ANKFN1: variants seen among roughly 807,000 people sequenced by gnomAD.
ANKFN1 encodes ankyrin repeat and fibronectin type III domain containing 1, also known as ankyrin repeat and fibronectin type-III domain-containing protein 1.
In ANKFN1, 74 loss-of-function variants were observed where a neutral mutation model predicts 108.7. That is an observed-to-expected ratio of 0.68 (90% confidence interval 0.56 to 0.83). ANKFN1 has a LOEUF of 0.83. Ranked by LOEUF, ANKFN1 falls within the 40% of genes least tolerant of loss-of-function variation. The pLI is 0.00. For synonymous variants in ANKFN1, 547 were observed against 516.2 expected (o/e 1.06, Z -0.81); for missense variants, 1,505 against 1,382.3 (o/e 1.09, Z -1.41).
At chr17:56,392,515 T>C (rs2047471277) in intron 8 of ANKFN1, among the ~76,000 whole-genome samples, 1 of 152,210 alleles carries the variant, frequency 6.6e-6, no homozygotes, top group Non-Finnish European at 1.5e-5. Flanking sequence ...TTTTCCATTG[T>C]TGAATAGGAG....
At chr17:56,243,616 A>G (rs1296854032) in intron 3 of ANKFN1, among the ~76,000 whole-genome samples, 1 of 152,120 alleles carries the variant, frequency 6.6e-6, no homozygotes, top group Admixed American at 6.6e-5. Flanking sequence ...TACAGTTGCT[A>G]AACTCCTAGC....
intron 20 of ANKFN1, among the ~76,000 whole-genome samples, chr17:56,506,046 T>C (rs1180167042): frequency 4.5e-5 from 2 of 44,184 alleles, no homozygotes; most frequent in Non-Finnish European, 2.6e-4. Flanking sequence ...CATTATTTGT[T>C]TTTTTTGTTT....
At chr17:56,125,509 A>G (rs988805509) in intron 4 of ANKFN1, among the ~76,000 whole-genome samples, 5 of 152,222 alleles carry the variant, frequency 3.3e-5, no homozygotes, top group Admixed American at 6.5e-5. Flanking sequence ...GATTACTAAT[A>G]ATTATAATGA....
chr17:56,221,947 C>T (rs1915922251), intron 2 of ANKFN1, among the ~76,000 whole-genome samples: 2 of 152,198 alleles, frequency 1.3e-5, no homozygotes, highest in Non-Finnish European at 2.9e-5. Context: ...CCAAGGGGCC[C>T]ACCCCATAGA....
At chr17:56,482,270 G>A in intron 17 of ANKFN1, 86 bp from the exon 18 acceptor site, 1 of 1,221,378 alleles carries the variant, frequency 8.2e-7, no homozygotes, top group Non-Finnish European at 1.1e-6. Flanking sequence ...GTAATTTTGT[G>A]AGATGTTTTA....
At chr17:56,403,283 C>T (rs1277521216) in intron 8 of ANKFN1, among the ~76,000 whole-genome samples, 1 of 152,112 alleles carries the variant, frequency 6.6e-6, no homozygotes, top group Non-Finnish European at 1.5e-5. Flanking sequence ...CTATCTAGAG[C>T]TGTCAGTGGA....
chr17:56,396,332 C>T (rs966723760), intron 8 of ANKFN1, among the ~76,000 whole-genome samples: 2 of 152,138 alleles, frequency 1.3e-5, no homozygotes, highest in African/African-American at 4.8e-5. Context: ...CCTGTAATTC[C>T]AGCTACTCAG....
rs1425698997 is a variant in ANKFN1, at chr17:56,449,168, C to G, written c.1189C>G (p.Gln397Glu). ...GCTGCAGCAGGTCCGAGCCCTTCAT[C>G]AGCATTACAGTTGCCGGGGTAAGGA... The part of the protein sequence containing the change: ...GLLQQVRALH[Q>E]HYSCRESTKL... The change falls in exon 11 of 21, where the codon CAG becomes GAG. Residue 397 changes from glutamine (Q) to glutamate (E), a missense_variant. Gln to Glu is a conservative substitution (Grantham distance 29). Transcript: ENST00000682825. 3 of 1,613,086 alleles carry G rather than the reference C, an allele frequency of 1.9e-6. No individual in the cohort carries two copies. Among genetic ancestry groups the G allele is most frequent in the Non-Finnish European group, 2.5e-6 (3 of 1,179,480 alleles).
At chr17:56,327,775 G>A (rs920611949) in intron 4 of ANKFN1, among the ~76,000 whole-genome samples, 6 of 152,142 alleles carry the variant, frequency 3.9e-5, no homozygotes, top group Non-Finnish European at 7.3e-5. Context: ...ATTCCTAATT[G>A]TTTCAAAGAA....
In ANKFN1 at chr17:56,055,566, C is replaced by CATATATATACATATATATATAT. The variant is rs1555588764; in HGVS notation, c.288+9250_288+9251insCATATATATATATATATATATA. 2.9e-3 allele frequency among the ~76,000 whole-genome samples: 139 copies of CATATATATACATATATATATAT among 47,424 alleles called. 14 individuals are homozygous for CATATATATACATATATATATAT. The highest frequency in any genetic ancestry group is 0.015 in the African/African-American group (115 of 7,554). 31.1% of individuals were successfully genotyped at this position (47,424 alleles called of 152,430 possible). On this transcript the variant is annotated intron_variant, in intron 4 of 12. Transcript: ENST00000635860. ...TATATGTGTGTGTGTGGTATATATA[C>CATATATATACATATATATATAT]ATATATATATATATATATATATGTA...
Position 56,242,083 on chromosome 17 carries a change from A to G in ANKFN1, c.53+14126A>G, listed in dbSNP as rs887020883. 2.0e-5 allele frequency among the ~76,000 whole-genome samples: 3 copies of G among 151,240 alleles called. No individual in the cohort carries two copies. The Admixed American group carries it at 2.0e-4, about 10-fold the overall frequency. On this transcript the variant is annotated intron_variant, in intron 3 of 20. Coordinates refer to ENST00000682825, the MANE Select transcript of ANKFN1 (RefSeq NM_001370326.1). Reference sequence around the variant, plus strand: ...TATACTGTTTGACCGCTGTTAACTTAAACCACAGAAAATGAAACTGTGAGT... The same window carrying G: ...TATACTGTTTGACCGCTGTTAACTTGAACCACAGAAAATGAAACTGTGAGT...
In ANKFN1 at chr17:56,514,927, G is replaced by A. The variant is rs28477485; in HGVS notation, c.*3658G>A. Among the ~76,000 whole-genome samples the A allele has an allele frequency of 0.095, 14,443 of 151,996 alleles. 792 individuals are homozygous for A. The highest frequency in any genetic ancestry group is 0.15 in the African/African-American group (6,398 of 41,436). ...CATTGTTATCCTGCCACACAAATGT[G>A]CGCCCTGGTGAGTTTGGAGCTCTTC... On this transcript the variant is annotated 3_prime_UTR_variant, in exon 21 of 21. Coordinates refer to ENST00000682825, the MANE Select transcript of ANKFN1 (RefSeq NM_001370326.1).
chr17:56,057,523 C>T (rs911876770), intron 4 of ANKFN1, among the ~76,000 whole-genome samples: 12 of 152,170 alleles, frequency 7.9e-5, no homozygotes, highest in South Asian at 4.1e-4. Flanking sequence ...CAGTGGCTCA[C>T]GCCTGTAATC....
At chr17:56,055,540 G>A (rs1437179495) in intron 4 of ANKFN1, among the ~76,000 whole-genome samples, 1 of 91,090 alleles carries the variant, frequency 1.1e-5, no homozygotes, top group Non-Finnish European at 2.1e-5. Flanking sequence ...GCCTAATGTG[G>A]TATATGTGTG....
intron 8 of ANKFN1, among the ~76,000 whole-genome samples, chr17:56,430,849 T>C (rs1024209554): frequency 3.9e-5 from 6 of 152,156 alleles, no homozygotes; most frequent in Admixed American, 2.0e-4. Context: ...AAAGGAACAG[T>C]ATTTGGTGCT....
At chr17:56,359,358 AT>A (rs2046455286) in intron 6 of ANKFN1, among the ~76,000 whole-genome samples, 1 of 152,198 alleles carries the variant, frequency 6.6e-6, no homozygotes, top group Non-Finnish European at 1.5e-5. Flanking sequence ...TTGTTACAGA[AT>A]TTGGTTGTAG....
Position 56,138,507 on chromosome 17 carries a change from C to A in ANKFN1, c.289-89410C>A, listed in dbSNP as rs1033438056. On this transcript the variant is annotated intron_variant, in intron 4 of 12. Transcript: ENST00000635860. The stretch of plus-strand genomic sequence containing the variant: ...GGAAGAAAACTCAACATTTTTTTTT[C>A]TTTTCTTTTTTTTTTTTTTTGAGAC... 3.6e-5 allele frequency among the ~76,000 whole-genome samples: 5 copies of A among 139,184 alleles called. No individual in the cohort carries two copies. In the East Asian group the frequency reaches 1.1e-3, roughly 31 times the overall value. 91.3% of individuals were successfully genotyped at this position (139,184 alleles called of 152,430 possible).
intron 1 of ANKFN1, among the ~76,000 whole-genome samples, chr17:56,163,133 A>G (rs1909829760): frequency 6.6e-6 from 1 of 152,160 alleles, no homozygotes; most frequent in Non-Finnish European, 1.5e-5. Context: ...GCTCACCAGA[A>G]CAGAGATAAA....
Position 56,372,670 on chromosome 17 carries a change from T to C in ANKFN1, c.626T>C (p.Met209Thr). ...GTTGTCAGCCTGGAAAGCCGAGCAATGCACCTCAACACACTGGTCCAGGAA... is the reference window on the plus strand; with the variant it reads ...GTTGTCAGCCTGGAAAGCCGAGCAACGCACCTCAACACACTGGTCCAGGAA... ...PHFVSLESRA[M>T]HLNTLVQEAQ... is the part of the protein sequence containing the mutation. The change falls in exon 7 of 21, where the codon ATG becomes ACG. Residue 209 changes from methionine (M) to threonine (T), a missense_variant. Coordinates refer to ENST00000682825, the MANE Select transcript of ANKFN1 (RefSeq NM_001370326.1). 6.2e-7 allele frequency: 1 copy of C among 1,612,688 alleles called. No individual in the cohort carries two copies. The highest frequency in any genetic ancestry group is 1.3e-5 in the African/African-American group (1 of 74,870).
Sources: gnomAD v4.1 joint callset for allele counts (sites outside exome capture counted in the v4.1 genomes callset) on GRCh38, gnomAD v4.1.1 for gene constraint, MANE v1.5 for transcripts, NCBI Gene and HGNC (gene_info 2026-07-23, HGNC 2026-07-21) for gene names.